Variants in RNF217 observed in about 807,000 individuals in gnomAD.
RNF217 encodes E3 ubiquitin-protein ligase RNF217.
Under a neutral mutation model 57.8 loss-of-function variants are expected in RNF217, and 31 were observed. The observed-to-expected ratio is 0.54, with a 90% CI of 0.40 to 0.72. The LOEUF (loss-of-function observed/expected upper bound fraction) is 0.72, where lower values mean the gene tolerates loss of function less well. Among genes scored for constraint, RNF217 ranks in the 30% least tolerant of loss-of-function variants. The pLI is 0.00. For missense variants in RNF217, 696 were observed against 708.3 expected (o/e 0.98, Z 0.20); for synonymous variants, 313 against 294.0 (o/e 1.06, Z -0.66).
At chr6:125,014,820 T>A (rs964606393) in intron 1 of RNF217, among the ~76,000 whole-genome samples, 2 of 152,172 alleles carry the variant, frequency 1.3e-5, no homozygotes, top group Admixed American at 1.3e-4. Flanking sequence ...TGTCAAGATA[T>A]CTCTTTTGTA....
intron 1 of RNF217, among the ~76,000 whole-genome samples, chr6:125,022,231 T>C (rs1785873493): frequency 6.6e-6 from 1 of 152,152 alleles, no homozygotes; most frequent in Admixed American, 6.5e-5. Context: ...ATCTATTTGG[T>C]TTATAGGAGA....
chr6:125,071,072 T>A (rs189839438), intron 3 of RNF217, among the ~76,000 whole-genome samples: 2 of 152,326 alleles, frequency 1.3e-5, no homozygotes, highest in Admixed American at 1.3e-4. Flanking sequence ...TCCAGTTCTT[T>A]TTTTTAGATA....
At chr6:125,028,452 T>C (rs1026620041) in intron 1 of RNF217, among the ~76,000 whole-genome samples, 2 of 152,162 alleles carry the variant, frequency 1.3e-5, no homozygotes, top group African/African-American at 4.8e-5. Context: ...TGAGTGTATA[T>C]AGTGTATACA....
At chr6:124,969,875 T>G (rs1783696534) in intron 1 of RNF217, among the ~76,000 whole-genome samples, 1 of 150,426 alleles carries the variant, frequency 6.6e-6, no homozygotes, top group Non-Finnish European at 1.5e-5. Flanking sequence ...TTTGGGGGGG[T>G]TGTCATGGAG....
chr6:125,009,515 A>G lies in RNF217; in HGVS notation c.883-35696A>G, dbSNP rs893111756. On this transcript the variant is annotated intron_variant, in intron 1 of 5. Transcript: ENST00000521654. The stretch of plus-strand genomic sequence containing the variant: ...CAGAGACTATTTACCATGAAGAGCT[A>G]TATCAATGTACTCATTTATTATGAT... The G allele has an allele frequency of 1.8e-5, 8 of 433,650 alleles. No individual in the cohort carries two copies. The South Asian group carries it at 1.9e-4, about 10-fold the overall frequency. 26.9% of individuals were successfully genotyped at this position (433,650 alleles called of 1,614,324 possible). A position where few individuals can be genotyped will look rare whatever the true frequency, so the allele number is the denominator to read the frequency against.
Position 125,035,321 on chromosome 6 carries a change from A to G in RNF217, c.883-9890A>G, listed in dbSNP as rs372311029. 2.6e-5 allele frequency among the ~76,000 whole-genome samples: 4 copies of G among 152,050 alleles called. No individual in the cohort carries two copies. In the East Asian group the frequency reaches 5.8e-4, roughly 22 times the overall value. On this transcript the variant is annotated intron_variant, in intron 1 of 5. Coordinates refer to ENST00000521654, the MANE Select transcript of RNF217 (RefSeq NM_001286398.3). ...CCAGTTTTTGCCCATTCAGTATGATATTGGCTGTGGGTTTGTCATAGATAG... is the reference window on the plus strand; with the variant it reads ...CCAGTTTTTGCCCATTCAGTATGATGTTGGCTGTGGGTTTGTCATAGATAG...
At chr6:125,040,407 T>G (rs1786831357) in intron 1 of RNF217, among the ~76,000 whole-genome samples, 1 of 152,138 alleles carries the variant, frequency 6.6e-6, no homozygotes, top group African/African-American at 2.4e-5. Flanking sequence ...GTTGAATCCC[T>G]GAATAGACCA....
chr6:125,045,590 G>C (rs1438703718), intron 2 of RNF217, 146 bp downstream of exon 2: 224 of 616,090 alleles, frequency 3.6e-4, no homozygotes, highest in Non-Finnish European at 9.1e-5. Flanking sequence ...GAAAGCATAT[G>C]GTTTGGGGAG....
intron 1 of RNF217, among the ~76,000 whole-genome samples, chr6:124,964,793 G>A (rs1783470026): frequency 6.6e-6 from 1 of 152,184 alleles, no homozygotes; most frequent in Non-Finnish European, 1.5e-5. Context: ...CCTCAAAACA[G>A]ATTTCGCTGC....
At chr6:125,023,848 C>T (rs1391185717) in intron 1 of RNF217, among the ~76,000 whole-genome samples, 2 of 152,122 alleles carry the variant, frequency 1.3e-5, no homozygotes, top group East Asian at 1.9e-4. Context: ...ACATGGTCCC[C>T]CTTTATATAT....
At chr6:125,046,081 T>C (rs1787087547) in intron 2 of RNF217, among the ~76,000 whole-genome samples, 1 of 152,058 alleles carries the variant, frequency 6.6e-6, no homozygotes, top group African/African-American at 2.4e-5. Flanking sequence ...ATGTCAGGAA[T>C]GGCTTCACAG....
chr6:124,963,008 C>T lies in RNF217; in HGVS notation c.464C>T (p.Pro155Leu), dbSNP rs748797659. ...LVLDVLGQRR[P>L]SLAKRQVFCS... ...CTGGACGTGCTGGGTCAGCGGCGCC[C>T]GTCCCTCGCCAAGAGACAAGTCTTC... The change falls in exon 1 of 6, where the codon CCG (proline) becomes CTG (leucine). Residue 155 changes from proline (P) to leucine (L), a missense_variant. Coordinates refer to ENST00000521654, the MANE Select transcript of RNF217 (RefSeq NM_001286398.3). 5 of 1,595,170 alleles carry T rather than the reference C, an allele frequency of 3.1e-6. No homozygotes were observed. The African/African-American group carries it at 6.7e-5, about 21-fold the overall frequency.
chr6:125,018,210 G>A (rs114518620), intron 1 of RNF217, among the ~76,000 whole-genome samples: 1 of 152,108 alleles, frequency 6.6e-6, no homozygotes, highest in African/African-American at 2.4e-5. Flanking sequence ...TCTGTATCTT[G>A]TACAGTGTTT....
At chr6:125,072,399 C>T (rs1344711681) in intron 3 of RNF217, among the ~76,000 whole-genome samples, 3 of 152,088 alleles carry the variant, frequency 2.0e-5, no homozygotes, top group African/African-American at 7.2e-5. Flanking sequence ...TACAAGGTTA[C>T]TATAGAGCTT....
At chr6:125,072,292 G>C (rs979191809) in intron 3 of RNF217, among the ~76,000 whole-genome samples, 1 of 152,112 alleles carries the variant, frequency 6.6e-6, no homozygotes, top group African/African-American at 2.4e-5. Context: ...AGGCAGCACT[G>C]TGTACTTGAC....
At chr6:125,021,267 GC>G (rs1229858994) in intron 1 of RNF217, among the ~76,000 whole-genome samples, 4 of 98,528 alleles carry the variant, frequency 4.1e-5, no homozygotes, top group Non-Finnish European at 8.6e-5. Context: ...CATGGAAAAA[GC>G]TTTTTTTTTT....
chr6:125,027,815 T>C (rs1786172306), intron 1 of RNF217, among the ~76,000 whole-genome samples: 1 of 152,206 alleles, frequency 6.6e-6, no homozygotes, highest in African/African-American at 2.4e-5. Flanking sequence ...CACCAGTATT[T>C]GTTATTGCCT....
chr6:125,048,359 T>C, intron 2 of RNF217: 1 of 932,768 alleles, frequency 1.1e-6, no homozygotes, highest in Admixed American at 2.3e-5. Flanking sequence ...TTAAGAGGAG[T>C]GAATTCAAGT....
rs534019542 is a variant in RNF217, at chr6:125,089,219, A to G, written c.*6282A>G. On this transcript the variant is annotated 3_prime_UTR_variant, in exon 6 of 6. Transcript: ENST00000521654. ...AGATACCAGTTGGATCAGAGGGCCT[A>G]ATAATAGTCTAAAACCAAGCTTCAG... 1.3e-5 allele frequency: 2 copies of G among 152,302 alleles called. No individual in the cohort carries two copies. Among genetic ancestry groups the G allele is most frequent in the South Asian group, 4.1e-4 (2 of 4,830 alleles). The allele number at this position is 152,302 out of a possible 1,614,324, so 9.4% of individuals were successfully genotyped here. A position where few individuals can be genotyped will look rare whatever the true frequency, so the allele number is the denominator to read the frequency against.
Sources: allele counts gnomAD v4.1 joint callset (sites outside exome capture counted in the v4.1 genomes callset), GRCh38; gene constraint gnomAD v4.1.1; transcripts MANE v1.5; gene names NCBI Gene and HGNC (gene_info 2026-07-23, HGNC 2026-07-21).